The following RIMS1 variants were observed in gnomAD, a reference collection of about 807,000 sequenced individuals.
RIMS1 encodes the protein regulating synaptic membrane exocytosis protein 1.
Under a neutral mutation model 214.1 loss-of-function variants are expected in RIMS1, and 83 were observed. That is an observed-to-expected ratio of 0.39 (90% CI 0.32 to 0.47). RIMS1 has a LOEUF of 0.47. Ranked by LOEUF, RIMS1 falls within the 20% of genes least tolerant of loss-of-function variation. RIMS1 has a pLI of 0.99. For synonymous variants in RIMS1, 793 were observed against 786.8 expected (o/e 1.01, Z -0.13); for missense variants, 2,050 against 2,161.8 (o/e 0.95, Z 1.03).
intron 2 of RIMS1, among the ~76,000 whole-genome samples, chr6:72,025,955 G>A (rs559759905): frequency 6.6e-6 from 1 of 152,288 alleles, no homozygotes; most frequent in Admixed American, 6.5e-5. Context: ...AGCCACTTGT[G>A]TATCCTCCCA....
chr6:71,979,288 G>A (rs1403493115), intron 2 of RIMS1, among the ~76,000 whole-genome samples: 1 of 151,940 alleles, frequency 6.6e-6, no homozygotes, highest in African/African-American at 2.4e-5. Context: ...TTTAATGGCA[G>A]CTTTACATTA....
chr6:72,254,456 G>T (rs1362066795), intron 16 of RIMS1, among the ~76,000 whole-genome samples: 3 of 152,038 alleles, frequency 2.0e-5, no homozygotes, highest in Non-Finnish European at 4.4e-5. Context: ...AAATTCATTT[G>T]GGATATTCAA....
intron 4 of RIMS1, among the ~76,000 whole-genome samples, chr6:72,117,743 C>T (rs977731396): frequency 6.6e-6 from 1 of 151,824 alleles, no homozygotes; most frequent in Non-Finnish European, 1.5e-5. Context: ...AGTAGTAACA[C>T]AACTTATCAA....
chr6:72,001,698 T>A (rs1805324375), intron 2 of RIMS1, among the ~76,000 whole-genome samples: 1 of 152,212 alleles, frequency 6.6e-6, no homozygotes, highest in Non-Finnish European at 1.5e-5. Context: ...TTTGATTGTA[T>A]ATTGTATCAA....
At chr6:72,005,271 T>C (rs1807044080) in intron 2 of RIMS1, among the ~76,000 whole-genome samples, 1 of 152,224 alleles carries the variant, frequency 6.6e-6, no homozygotes, top group African/African-American at 2.4e-5. Context: ...TTGGTTACTG[T>C]AGCCTTGTAG....
At chr6:72,142,328 A>T (rs914538663) in intron 4 of RIMS1, among the ~76,000 whole-genome samples, 1 of 152,008 alleles carries the variant, frequency 6.6e-6, no homozygotes, top group Non-Finnish European at 1.5e-5. Context: ...ATGAAAACAC[A>T]TTATTTTTTC....
chr6:72,215,474 C>T (rs1314193154), intron 6 of RIMS1, among the ~76,000 whole-genome samples: 1 of 152,178 alleles, frequency 6.6e-6, no homozygotes, highest in East Asian at 1.9e-4. Flanking sequence ...GTTCAAATCC[C>T]AACTCTGCTA....
intron 29 of RIMS1, among the ~76,000 whole-genome samples, chr6:72,373,059 G>C (rs2098268023): frequency 6.6e-6 from 1 of 152,166 alleles, no homozygotes; most frequent in South Asian, 2.1e-4. Flanking sequence ...TCATTGTGTT[G>C]GTAAGGAGCT....
At chr6:72,091,472 C>A (rs1050337272) in intron 2 of RIMS1, among the ~76,000 whole-genome samples, 7 of 152,154 alleles carry the variant, frequency 4.6e-5, no homozygotes, top group Admixed American at 4.6e-4. Context: ...GTACAAATGT[C>A]ATCAATAATT....
intron 1 of RIMS1, among the ~76,000 whole-genome samples, chr6:71,932,787 G>A (rs1346837737): frequency 6.6e-6 from 1 of 152,056 alleles, no homozygotes; most frequent in Non-Finnish European, 1.5e-5. Context: ...GTAAAATTTT[G>A]TGGAGTGAGA....
chr6:71,909,186 G>A (rs1203352048), intron 1 of RIMS1, among the ~76,000 whole-genome samples: 2 of 152,038 alleles, frequency 1.3e-5, no homozygotes, highest in South Asian at 2.1e-4. Flanking sequence ...TAGTAGAGAC[G>A]GGGTTTCACC....
chr6:72,007,538 G>A (rs1038700118), intron 2 of RIMS1, among the ~76,000 whole-genome samples: 1 of 152,304 alleles, frequency 6.6e-6, no homozygotes, highest in African/African-American at 2.4e-5. Context: ...GCTAAAGGAG[G>A]AAGTTTGAAC....
chr6:72,205,250 G>A (rs2052699474), intron 6 of RIMS1, among the ~76,000 whole-genome samples: 1 of 152,122 alleles, frequency 6.6e-6, no homozygotes, highest in African/African-American at 2.4e-5. Context: ...TATTAAGAGA[G>A]AATTGCCATT....
chr6:72,005,192 G>T lies in RIMS1; in HGVS notation c.245+36129G>T, dbSNP rs184166780. On this transcript the variant is annotated intron_variant, in intron 2 of 33. Coordinates refer to ENST00000521978, the MANE Select transcript of RIMS1 (RefSeq NM_014989.7). ...GATCAGATAGTTTTAGATATGCGGC[G>T]TTATTTCTGAGGGCTCTGTTCTGTT... is the stretch of plus-strand genomic sequence containing the variant. Among the ~76,000 whole-genome samples the T allele has an allele frequency of 4.9e-4, 74 of 152,204 alleles. No individual in the cohort carries two copies. The Middle Eastern group carries it at 0.017, about 35-fold the overall frequency.
rs1438487295 is a variant in RIMS1 at position 72,259,081 on chromosome 6, T to C, written c.3023T>C (p.Val1008Ala). Residue 1008 changes from valine to alanine, a missense_variant, in exon 18 of 34, where the codon GTG becomes GCG. Transcript: ENST00000521978. ...CCAGTTGATCATAGAACCAGAGATG[T>C]GGATAGTCAGTATTTATCAGAACAA... ...RSPVDHRTRD[V>A]DSQYLSEQDS... is the part of the protein sequence containing the mutation. The C allele has an allele frequency of 6.8e-6, 11 of 1,612,494 alleles. No homozygotes were observed. The highest frequency in any genetic ancestry group is 9.3e-6 in the Non-Finnish European group (11 of 1,178,912).
chr6:72,382,182 A>G (rs11970524), intron 29 of RIMS1, among the ~76,000 whole-genome samples: 2 of 152,206 alleles, frequency 1.3e-5, no homozygotes, highest in African/African-American at 2.4e-5. Context: ...AATGAGGAAA[A>G]CAATGAAAGC....
chr6:72,292,996 T>TC (rs143815901), intron 26 of RIMS1, among the ~76,000 whole-genome samples: 1 of 152,182 alleles, frequency 6.6e-6, no homozygotes, highest in East Asian at 1.9e-4. Context: ...TACATGTTTT[T>TC]CTCACTTAAT....
chr6:72,184,885 C>T (rs112950507), intron 6 of RIMS1, among the ~76,000 whole-genome samples: 378 of 152,198 alleles, frequency 2.5e-3, no homozygotes, highest in Non-Finnish European at 4.2e-3. Context: ...AGGGCTGCCT[C>T]TATGTATAAA....
In RIMS1 at chr6:72,103,880, T is replaced by C. The variant is rs1284639821; in HGVS notation, c.471+3894T>C. 2.0e-5 allele frequency among the ~76,000 whole-genome samples: 3 copies of C among 152,198 alleles called. No homozygotes were observed. In the East Asian group the frequency reaches 5.8e-4, roughly 29 times the overall value. ...TCTCATTGTGGTTATCATAAAACTT[T>C]TTTTAGCCAAAATTATCAAACTTGT... On this transcript the variant is annotated intron_variant, in intron 4 of 33. Coordinates refer to ENST00000521978, the MANE Select transcript of RIMS1 (RefSeq NM_014989.7).
Sources: gnomAD v4.1 joint callset for allele counts (sites outside exome capture counted in the v4.1 genomes callset) on GRCh38, gnomAD v4.1.1 for gene constraint, MANE v1.5 for transcripts, NCBI Gene and HGNC (gene_info 2026-07-23, HGNC 2026-07-21) for gene names.